The following SOAT1 variants were observed in gnomAD, a reference collection of about 807,000 sequenced individuals.
The protein encoded by SOAT1 is sterol O-acyltransferase 1.
In SOAT1, 55 loss-of-function variants were observed where a neutral mutation model predicts 69.5. That is an observed-to-expected ratio of 0.79 (90% CI 0.64 to 0.99). The LOEUF is 0.99. SOAT1 is among the 50% of genes least tolerant of loss of function. The probability of loss-of-function intolerance (pLI) is 0.00; values close to 1 mark genes in which losing one functional copy is unlikely to be tolerated. For synonymous variants in SOAT1, 231 were observed against 224.7 expected (o/e 1.03, Z -0.25); for missense variants, 580 against 669.3 (o/e 0.87, Z 1.47).
At chr1:179,351,017 C>CTTTTTTTTTTTTTTTTTTTTTTT (rs1558060562) in intron 14 of SOAT1, among the ~76,000 whole-genome samples, 1 of 13,954 alleles carries the variant, frequency 7.2e-5, no homozygotes, top group African/African-American at 3.1e-4. Context: ...CTGTATATTT[C>CTTTTTTTTTTTTTTTTTTTTTTT]TTTCTTTTTT....
At chr1:179,327,500 G>A (rs955950969) in intron 3 of SOAT1, among the ~76,000 whole-genome samples, 9 of 152,228 alleles carry the variant, frequency 5.9e-5, no homozygotes, top group East Asian at 1.9e-4. Flanking sequence ...AATCTCATCC[G>A]GCAGCTGTTT....
chr1:179,341,426 A>G, intron 7 of SOAT1, 116 bp downstream of exon 7: 2 of 1,085,004 alleles, frequency 1.8e-6, no homozygotes, highest in Non-Finnish European at 2.6e-6. Context: ...ATTTTCATAT[A>G]TTGTTCTTTT....
chr1:179,308,864 T>A (rs914259272), intron 2 of SOAT1, among the ~76,000 whole-genome samples: 4 of 152,176 alleles, frequency 2.6e-5, no homozygotes, highest in Non-Finnish European at 5.9e-5. Context: ...GCAATTTGTT[T>A]CTTCTATACT....
At chr1:179,332,956 C>A (rs1404593598) in intron 3 of SOAT1, among the ~76,000 whole-genome samples, 1 of 152,098 alleles carries the variant, frequency 6.6e-6, no homozygotes, top group Non-Finnish European at 1.5e-5. Flanking sequence ...TCCTTGTGCC[C>A]CAGTGGCAGC....
chr1:179,299,745 C>CTTTTTTTTT lies in SOAT1; in HGVS notation c.-8-2914_-8-2906dup, dbSNP rs1162260815. Among the ~76,000 whole-genome samples the CTTTTTTTTT allele has an allele frequency of 4.0e-3, 279 of 69,550 alleles. 58 individuals carry two copies. Among genetic ancestry groups the CTTTTTTTTT allele is most frequent in the Non-Finnish European group, 4.7e-3 (189 of 39,852 alleles). 45.6% of individuals were successfully genotyped at this position (69,550 alleles called of 152,430 possible). A position where few individuals can be genotyped will look rare whatever the true frequency, so the allele number is the denominator to read the frequency against. On this transcript the variant is annotated intron_variant, in intron 1 of 15. Coordinates refer to ENST00000367619, the MANE Select transcript of SOAT1 (RefSeq NM_003101.6). The stretch of plus-strand genomic sequence containing the variant: ...ATTTATTTTTTAATCATTTTGCTAT[C>CTTTTTTTTT]TTTTTTTTTTTTTTTTTTTTTTTTT...
chr1:179,298,102 G>A (rs150915222), intron 1 of SOAT1, among the ~76,000 whole-genome samples: 181 of 121,300 alleles, frequency 1.5e-3, no homozygotes, highest in African/African-American at 5.2e-3. Flanking sequence ...TGTTTGAAGG[G>A]GTTTAAGTTG....
At chr1:179,352,077 C>CT (rs80115110) in intron 15 of SOAT1, among the ~76,000 whole-genome samples, 60 of 144,778 alleles carry the variant, frequency 4.1e-4, no homozygotes, top group Middle Eastern at 7.0e-3. Context: ...TAAAACATAC[C>CT]TTTTTTTTTT....
rs781656140 is a variant in SOAT1 at position 179,351,338 on chromosome 1, A to G, written c.1472A>G (p.Asn491Ser). ...TTAGTGGCTTTCAACTTCATTGTCAATGATAGTCGGAAAAAGCCGATTTGG... is the reference window on the plus strand; with the variant it reads ...TTAGTGGCTTTCAACTTCATTGTCAGTGATAGTCGGAAAAAGCCGATTTGG... ...FFGMAFNFIV[N>S]DSRKKPIWNV... The change falls in exon 15 of 16, where the codon AAT (asparagine) becomes AGT (serine). Residue 491 changes from asparagine (N) to serine (S), a missense_variant. Transcript: ENST00000367619. 3.1e-6 allele frequency: 5 copies of G among 1,613,932 alleles called. No homozygotes were observed. The highest frequency in any genetic ancestry group is 1.6e-4 in the Middle Eastern group (1 of 6,084).
At chr1:179,351,484 A>G in intron 15 of SOAT1, 22 bp downstream of exon 15, 12 of 1,609,866 alleles carry the variant, frequency 7.5e-6, no homozygotes, top group Non-Finnish European at 1.0e-5. Flanking sequence ...ACCTGGTTGG[A>G]GTGCAAAAGA....
In SOAT1 at chr1:179,303,447, A is replaced by C. The variant is rs1348497848; in HGVS notation, c.118+645A>C. ...ATGTCATCTATTGCATCAGGGTATT[A>C]ATTTTTGCAGTGACATTTGTAAAGG... On this transcript the variant is annotated intron_variant, in intron 2 of 15. Transcript: ENST00000367619. Among the ~76,000 whole-genome samples, 2 of 152,216 alleles carry C rather than the reference A, an allele frequency of 1.3e-5. 1 individual carries two copies. The highest frequency in any genetic ancestry group is 1.3e-4 in the Admixed American group (2 of 15,282).
rs1666963160 is a variant in SOAT1, at chr1:179,357,980, A to G, written c.*4339A>G. 2 of 152,208 alleles carry G rather than the reference A, an allele frequency of 1.3e-5. No homozygotes were observed. Among genetic ancestry groups the G allele is most frequent in the Non-Finnish European group, 2.9e-5 (2 of 68,040 alleles). 9.4% of individuals were successfully genotyped at this position (152,208 alleles called of 1,614,324 possible). A position where few individuals can be genotyped will look rare whatever the true frequency, so the allele number is the denominator to read the frequency against. ...AAGCCCGGTTTAAAGAGAGGATAAT[A>G]TGCAACCACCCTAGTTGAAACAGAG... On this transcript the variant is annotated 3_prime_UTR_variant, in exon 16 of 16. Transcript: ENST00000367619.
rs997841397 is a variant in SOAT1, at chr1:179,329,072, A to G, written c.177+5577A>G. Among the ~76,000 whole-genome samples the G allele has an allele frequency of 1.1e-4, 16 of 151,136 alleles. 1 individual carries two copies. The highest frequency in any genetic ancestry group is 3.9e-4 in the African/African-American group (16 of 41,172). On this transcript the variant is annotated intron_variant, in intron 3 of 15. Coordinates refer to ENST00000367619, the MANE Select transcript of SOAT1 (RefSeq NM_003101.6). ...AAAAAAAAAAAAAAAAATTGTTGCA[A>G]CATATTCTGTTTGCTTCTTATATAG...
intron 2 of SOAT1, among the ~76,000 whole-genome samples, chr1:179,317,402 G>A (rs1241200257): frequency 6.6e-6 from 1 of 151,898 alleles, no homozygotes; most frequent in East Asian, 1.9e-4. Context: ...GCGTGGTGGC[G>A]GGCGCCTGTA....
chr1:179,315,924 G>A (rs1034428667), intron 2 of SOAT1, among the ~76,000 whole-genome samples: 6 of 152,084 alleles, frequency 3.9e-5, no homozygotes, highest in African/African-American at 1.4e-4. Flanking sequence ...CCATGGTCTG[G>A]TCATAGAACT....
intron 1 of SOAT1, among the ~76,000 whole-genome samples, chr1:179,296,381 A>G (rs898848384): frequency 1.3e-5 from 2 of 152,154 alleles, no homozygotes; most frequent in African/African-American, 4.8e-5. Flanking sequence ...TCCCCCATGG[A>G]TATGGGAGAA....
chr1:179,299,745 C>CTTTTTTTTTTTT lies in SOAT1; in HGVS notation c.-8-2917_-8-2906dup, dbSNP rs1162260815. 1.3e-4 allele frequency among the ~76,000 whole-genome samples: 9 copies of CTTTTTTTTTTTT among 69,520 alleles called. 1 individual carries two copies. The highest frequency in any genetic ancestry group is 2.4e-4 in the Admixed American group (1 of 4,152). 45.6% of individuals were successfully genotyped at this position (69,520 alleles called of 152,430 possible). A position where few individuals can be genotyped will look rare whatever the true frequency, so the allele number is the denominator to read the frequency against. On this transcript the variant is annotated intron_variant, in intron 1 of 15. Coordinates refer to ENST00000367619, the MANE Select transcript of SOAT1 (RefSeq NM_003101.6). ...ATTTATTTTTTAATCATTTTGCTAT[C>CTTTTTTTTTTTT]TTTTTTTTTTTTTTTTTTTTTTTTT...
Position 179,335,578 on chromosome 1 carries a change from T to G in SOAT1, c.250T>G (p.Ser84Ala). The change falls in exon 4 of 16, where the codon TCA becomes GCA. Residue 84 changes from serine (S) to alanine (A), a missense_variant. By Grantham distance (99) the Ser-to-Ala change is moderately conservative. Transcript: ENST00000367619. The part of the protein sequence containing the change: ...DDFVTNLIEK[S>A]ASLDNGGCAL... The stretch of plus-strand genomic sequence containing the variant: ...TTTTGTGACCAATCTCATTGAAAAG[T>G]CAGCATCATTAGATAATGGTGGGTG... 1 of 1,613,940 alleles carries G rather than the reference T, an allele frequency of 6.2e-7. No individual in the cohort carries two copies. The highest frequency in any genetic ancestry group is 1.1e-5 in the South Asian group (1 of 91,056).
chr1:179,336,268 G>T (rs7541260), intron 4 of SOAT1, among the ~76,000 whole-genome samples: 1,543 of 151,744 alleles, frequency 0.01, 34 homozygotes, highest in African/African-American at 0.035. Flanking sequence ...TTTGAGACCA[G>T]CCTGGCCAAC....
At position 179,356,444 on chromosome 1, in the gene SOAT1, T is replaced by C. The variant is rs1039696270; in HGVS notation, c.*2803T>C. 115 of 151,040 alleles carry C rather than the reference T, an allele frequency of 7.6e-4. No individual in the cohort carries two copies. Among genetic ancestry groups the C allele is most frequent in the African/African-American group, 2.6e-3 (106 of 41,134 alleles). The allele number at this position is 151,040 out of a possible 1,614,324, so 9.4% of individuals were successfully genotyped here. On this transcript the variant is annotated 3_prime_UTR_variant, in exon 16 of 16. Transcript: ENST00000367619. ...AAGTTGCTTGCCTCATGTTAGAATT[T>C]AATTAGAAAACTGAGGCTGCCTTTT...
Sources: allele counts gnomAD v4.1 joint callset (sites outside exome capture counted in the v4.1 genomes callset), GRCh38; gene constraint gnomAD v4.1.1; transcripts MANE v1.5; gene names NCBI Gene and HGNC (gene_info 2026-07-23, HGNC 2026-07-21).